ZNF385D: variants seen among roughly 807,000 people sequenced by gnomAD.
The protein encoded by ZNF385D is zinc finger protein 659.
A neutral mutation model predicts 35.8 loss-of-function variants in ZNF385D; 15 were observed. The observed-to-expected ratio is 0.42, with a 90% confidence interval of 0.28 to 0.64. ZNF385D has a LOEUF of 0.64. Ranked by LOEUF, ZNF385D falls within the 30% of genes least tolerant of loss-of-function variation. The pLI, the probability that ZNF385D is intolerant of heterozygous loss-of-function variation, is 0.23. For missense variants in ZNF385D, 474 were observed against 494.6 expected (o/e 0.96, Z 0.39); for synonymous variants, 212 against 186.8 (o/e 1.13, Z -1.10).
intron 3 of ZNF385D, among the ~76,000 whole-genome samples, chr3:21,886,687 T>C (rs963983866): frequency 6.6e-6 from 1 of 152,160 alleles, no homozygotes; most frequent in African/African-American, 2.4e-5. Flanking sequence ...ACAGCTGATA[T>C]ATATTTATGT....
intron 3 of ZNF385D, among the ~76,000 whole-genome samples, chr3:22,035,433 A>G (rs929673727): frequency 3.3e-5 from 5 of 152,218 alleles, no homozygotes; most frequent in African/African-American, 4.8e-5. Context: ...CAGAAATCCA[A>G]TACTTATCAG....
intron 3 of ZNF385D, among the ~76,000 whole-genome samples, chr3:22,115,178 G>GA (rs1342676070): frequency 6.6e-6 from 1 of 152,080 alleles, no homozygotes; most frequent in Non-Finnish European, 1.5e-5. Flanking sequence ...TGACAGACAA[G>GA]AAGTCATTGG....
rs1700583094 is a variant in ZNF385D at position 21,417,804 on chromosome 3, G to T, written c.*3410C>A. The T allele has an allele frequency of 6.6e-6, 1 of 152,102 alleles. No individual in the cohort carries two copies. 9.4% of individuals were successfully genotyped at this position (152,102 alleles called of 1,614,324 possible). A position where few individuals can be genotyped will look rare whatever the true frequency, so the allele number is the denominator to read the frequency against. On this transcript the variant is annotated 3_prime_UTR_variant, in exon 8 of 8. Coordinates refer to ENST00000281523, the MANE Select transcript of ZNF385D (RefSeq NM_024697.3). ...AACTAGTTTCTTGGCAACAAAATATGTAGCACCTTTAGAAAAACCAAATTT... is the reference window on the plus strand; with the variant it reads ...AACTAGTTTCTTGGCAACAAAATATTTAGCACCTTTAGAAAAACCAAATTT...
chr3:21,972,966 T>C (rs2125345668), intron 3 of ZNF385D, among the ~76,000 whole-genome samples: 1 of 152,116 alleles, frequency 6.6e-6, no homozygotes, highest in African/African-American at 2.4e-5. Context: ...ACCCAGCGGC[T>C]TCATTGCTGA....
intron 2 of ZNF385D, among the ~76,000 whole-genome samples, chr3:22,222,765 T>C (rs1437315393): frequency 6.6e-6 from 1 of 152,226 alleles, no homozygotes; most frequent in Non-Finnish European, 1.5e-5. Context: ...TGTGAATTTT[T>C]ATTATTAGAT....
intron 3 of ZNF385D, among the ~76,000 whole-genome samples, chr3:21,989,250 T>A (rs1386703971): frequency 6.6e-6 from 1 of 152,176 alleles, no homozygotes; most frequent in Non-Finnish European, 1.5e-5. Flanking sequence ...ATATCAAAGC[T>A]CAACCAACTT....
intron 3 of ZNF385D, among the ~76,000 whole-genome samples, chr3:21,764,153 TCAGA>T (rs1442682728): frequency 1.3e-5 from 2 of 152,204 alleles, no homozygotes; most frequent in East Asian, 1.9e-4. Context: ...CAGAAATTAG[TCAGA>T]CAAAGATAAG....
At chr3:22,143,397 A>T (rs543246991) in intron 3 of ZNF385D, among the ~76,000 whole-genome samples, 140 of 152,232 alleles carry the variant, frequency 9.2e-4, no homozygotes, top group Non-Finnish European at 1.5e-3. Flanking sequence ...TGTTTTACGC[A>T]TTTAAGTTAA....
intron 2 of ZNF385D, among the ~76,000 whole-genome samples, chr3:22,284,902 T>C (rs924517209): frequency 6.6e-6 from 1 of 152,128 alleles, no homozygotes; most frequent in Non-Finnish European, 1.5e-5. Context: ...GGATATTTTA[T>C]TGCATTAAAA....
intron 2 of ZNF385D, among the ~76,000 whole-genome samples, chr3:21,642,638 A>G (rs1993507): frequency 0.26 from 39,890 of 152,112 alleles, 6,512 homozygotes; most frequent in South Asian, 0.41. Context: ...ACTCAGACAT[A>G]TATTTGCACA....
chr3:22,326,286 T>C (rs1187885551), intron 2 of ZNF385D, among the ~76,000 whole-genome samples: 3 of 152,106 alleles, frequency 2.0e-5, no homozygotes, highest in Non-Finnish European at 4.4e-5. Flanking sequence ...TTGGGGAAGA[T>C]TTGAATCTGA....
At chr3:21,945,347 A>T (rs1366928555) in intron 3 of ZNF385D, among the ~76,000 whole-genome samples, 1 of 152,020 alleles carries the variant, frequency 6.6e-6, no homozygotes, top group African/African-American at 2.4e-5. Flanking sequence ...AACCAATGTG[A>T]ATGTTCATGC....
intron 2 of ZNF385D, among the ~76,000 whole-genome samples, chr3:22,279,503 CATAT>C (rs1469996471): frequency 1.5e-5 from 2 of 136,298 alleles, no homozygotes; most frequent in African/African-American, 6.3e-5. Context: ...TACATATGTA[CATAT>C]ATATGTATAT....
At chr3:21,518,964 A>T (rs980038168) in intron 3 of ZNF385D, among the ~76,000 whole-genome samples, 2 of 152,202 alleles carry the variant, frequency 1.3e-5, no homozygotes, top group African/African-American at 4.8e-5. Context: ...CATTATGAAT[A>T]AAAATGAATA....
chr3:22,144,226 T>G (rs74991026), intron 3 of ZNF385D, among the ~76,000 whole-genome samples: 3,575 of 152,140 alleles, frequency 0.023, 149 homozygotes, highest in African/African-American at 0.082. Context: ...AGAGACAACA[T>G]TTACAGGACA....
At chr3:21,693,886 T>C (rs2067369739) in intron 1 of ZNF385D, among the ~76,000 whole-genome samples, 3 of 144,578 alleles carry the variant, frequency 2.1e-5, no homozygotes, top group African/African-American at 2.5e-5. Context: ...TTTTTTCTTT[T>C]TTTTTTTTTT....
chr3:22,010,982 T>G (rs1696534858), intron 3 of ZNF385D, among the ~76,000 whole-genome samples: 1 of 152,140 alleles, frequency 6.6e-6, no homozygotes, highest in Admixed American at 6.6e-5. Flanking sequence ...AATAAAATCC[T>G]GGATAGACTA....
intron 3 of ZNF385D, among the ~76,000 whole-genome samples, chr3:22,090,788 G>T (rs1701290551): frequency 6.6e-6 from 1 of 152,114 alleles, no homozygotes; most frequent in African/African-American, 2.4e-5. Context: ...CCACTCTGAG[G>T]CCTCTGTACC....
chr3:21,524,493 A>G (rs1033367646), intron 3 of ZNF385D, among the ~76,000 whole-genome samples: 1 of 152,216 alleles, frequency 6.6e-6, no homozygotes, highest in Non-Finnish European at 1.5e-5. Flanking sequence ...AAAGTGCTTA[A>G]GATCTTAAAG....
Sources: gnomAD v4.1 joint callset for allele counts (sites outside exome capture counted in the v4.1 genomes callset) on GRCh38, gnomAD v4.1.1 for gene constraint, MANE v1.5 for transcripts, NCBI Gene and HGNC (gene_info 2026-07-23, HGNC 2026-07-21) for gene names.